Variants in ZDHHC9 observed in about 807,000 individuals in gnomAD.
ZDHHC9 encodes zDHHC palmitoyltransferase 9, also known as palmitoyltransferase ZDHHC9.
Under a neutral mutation model 26.6 loss-of-function variants are expected in ZDHHC9, and 3 were observed. That is an observed-to-expected ratio of 0.11 (90% confidence interval 0.05 to 0.29). The LOEUF (loss-of-function observed/expected upper bound fraction) is 0.29. ZDHHC9 is among the 10% of genes least tolerant of loss of function. The pLI, the probability that ZDHHC9 is intolerant of heterozygous loss-of-function variation, is 1.00. For synonymous variants in ZDHHC9, 111 were observed against 109.4 expected (o/e 1.01, Z -0.09); for missense variants, 146 against 296.4 (o/e 0.49, Z 3.73).
chrX:129,823,927 C>T, intron 4 of ZDHHC9, 90 bp from the exon 5 acceptor site: 1 of 891,521 alleles, frequency 1.1e-6, no homozygotes, highest in Non-Finnish European at 1.6e-6. Flanking sequence ...TGGGGGCATT[C>T]AAAGGTTCCC....
chrX:129,831,440 A>C (rs111409921), intron 3 of ZDHHC9, among the ~76,000 whole-genome samples: 227 of 112,085 alleles, frequency 2.0e-3, no homozygotes, highest in Middle Eastern at 4.6e-3. Context: ...AAACATACAG[A>C]GTGAGTAGAG....
At chrX:129,824,130 C>A (rs1927957785) in intron 4 of ZDHHC9, among the ~76,000 whole-genome samples, 1 of 111,496 alleles carries the variant, frequency 9.0e-6, no homozygotes, top group South Asian at 3.7e-4. Context: ...TCCAATTTCA[C>A]TAATAATCAG....
chrX:129,842,893 G>T (rs1472432906), intron 2 of ZDHHC9, among the ~76,000 whole-genome samples: 4 of 112,484 alleles, frequency 3.6e-5, no homozygotes, highest in African/African-American at 9.7e-5. Flanking sequence ...CTGGTTGGGG[G>T]GTGGGGAATG....
At position 129,817,930 on chromosome X, in the gene ZDHHC9, G is replaced by A. The variant is rs1372437978; in HGVS notation, c.488-3135C>T. Among the ~76,000 whole-genome samples the A allele has an allele frequency of 2.7e-5, 3 of 111,647 alleles. No homozygotes were observed. The East Asian group carries it at 8.4e-4, about 31-fold the overall frequency. ...GTGAATAATGATGCTACGAACACTG[G>A]CGTACAAGTAGGTTTTGAGTCCTTG... is the stretch of plus-strand genomic sequence containing the variant. On this transcript the variant is annotated intron_variant, in intron 5 of 10. Coordinates refer to ENST00000357166, the MANE Select transcript of ZDHHC9 (RefSeq NM_016032.4).
intron 5 of ZDHHC9, chrX:129,822,899 A>G (rs897381132): frequency 1.8e-5 from 2 of 111,631 alleles, no homozygotes; most frequent in Non-Finnish European, 3.8e-5. Flanking sequence ...TGATATAAGC[A>G]ATTTCACATA....
At position 129,813,552 on chromosome X, in the gene ZDHHC9, A is replaced by T; in HGVS notation, c.674+125T>A. The T allele has an allele frequency of 7.0e-6, 5 of 714,074 alleles. No individual in the cohort carries two copies. The Admixed American group carries it at 8.4e-5, about 12-fold the overall frequency. The allele number at this position is 714,074 out of a possible 1,213,427, so 58.8% of individuals were successfully genotyped here. A position where few individuals can be genotyped will look rare whatever the true frequency, so the allele number is the denominator to read the frequency against. ...TACCACTAAGACTATATTTTTTTAA[A>T]TTATTTTAGACCTTGGCACTCTCTG... is the stretch of plus-strand genomic sequence containing the variant. On this transcript the variant is annotated intron_variant, in intron 7 of 10. Coordinates refer to ENST00000357166, the MANE Select transcript of ZDHHC9 (RefSeq NM_016032.4).
At chrX:129,813,536 G>C (rs1057029291) in intron 7 of ZDHHC9, 141 bp downstream of exon 7, 43 of 624,337 alleles carry the variant, frequency 6.9e-5, no homozygotes, top group Admixed American at 2.7e-4. Context: ...CTACCACTAA[G>C]ACTATATTTT....
At chrX:129,825,973 C>T (rs1244733484) in intron 4 of ZDHHC9, among the ~76,000 whole-genome samples, 2 of 111,777 alleles carry the variant, frequency 1.8e-5, no homozygotes, top group Non-Finnish European at 1.9e-5. Context: ...CCAGACAGAC[C>T]GTATGAATTT....
intron 4 of ZDHHC9, among the ~76,000 whole-genome samples, chrX:129,825,657 C>T (rs975123578): frequency 9.0e-6 from 1 of 111,261 alleles, no homozygotes; most frequent in African/African-American, 3.3e-5. Context: ...AAATCTCCTT[C>T]GATCACCACC....
rs146317883 is a variant in ZDHHC9, at chrX:129,806,481, G to A, written c.984C>T (p.Pro328=). Residue 328 remains proline (P), a synonymous_variant, in exon 11 of 11, where the codon CCC becomes CCT. Coordinates refer to ENST00000357166, the MANE Select transcript of ZDHHC9 (RefSeq NM_016032.4). ...SSSLLPQSPA[P]TEHLNSNEMP... is the part of the protein sequence containing the mutation. ...TCTCATTTGAGTTCAGGTGTTCTGT[G>A]GGGGCCTGAGAAGGAAAAGATATGA... 8.3e-7 allele frequency: 1 copy of A among 1,206,864 alleles called. No individual in the cohort carries two copies. Among genetic ancestry groups the A allele is most frequent in the East Asian group, 3.0e-5 (1 of 33,814 alleles).
intron 3 of ZDHHC9, 91 bp from the exon 4 acceptor site, chrX:129,829,232 G>T: frequency 9.9e-7 from 1 of 1,014,295 alleles, no homozygotes; most frequent in Non-Finnish European, 1.4e-6. Context: ...CCCCACAACA[G>T]AATCAGCAGC....
chrX:129,822,406 G>C (rs1005790521), intron 5 of ZDHHC9, among the ~76,000 whole-genome samples: 1 of 92,954 alleles, frequency 1.1e-5, no homozygotes, highest in Admixed American at 1.4e-4. Flanking sequence ...TGAACAATGA[G>C]AACACATGGA....
At chrX:129,837,026 GAGTC>G (rs1246257396) in intron 3 of ZDHHC9, among the ~76,000 whole-genome samples, 1 of 112,060 alleles carries the variant, frequency 8.9e-6, no homozygotes, top group African/African-American at 3.2e-5. Flanking sequence ...AAAAAGCCCT[GAGTC>G]AGTATAGAGA....
chrX:129,822,620 AAATAAT>A (rs1182276266), intron 5 of ZDHHC9, among the ~76,000 whole-genome samples: 1 of 111,239 alleles, frequency 9.0e-6, no homozygotes, highest in Non-Finnish European at 1.9e-5. Context: ...GTAAAATAAA[AAATAAT>A]AATAATAATA....
intron 5 of ZDHHC9, among the ~76,000 whole-genome samples, chrX:129,816,220 G>T (rs2091579241): frequency 9.0e-6 from 1 of 111,489 alleles, no homozygotes. Context: ...CAAAAATACG[G>T]TATTCACAAA....
intron 4 of ZDHHC9, among the ~76,000 whole-genome samples, chrX:129,824,401 T>G (rs1927964502): frequency 9.0e-6 from 1 of 111,483 alleles, no homozygotes. Context: ...GTGATTCTCC[T>G]GTCTCAGCCT....
chrX:129,812,273 C>T (rs1458627931), intron 8 of ZDHHC9, among the ~76,000 whole-genome samples: 1 of 111,840 alleles, frequency 8.9e-6, no homozygotes, highest in African/African-American at 3.3e-5. Flanking sequence ...TTAGTAGAGA[C>T]AGGGTTTTGC....
At chrX:129,814,508 TCAAGA>T in intron 6 of ZDHHC9, 145 bp downstream of exon 6, 1 of 833,114 alleles carries the variant, frequency 1.2e-6, no homozygotes, top group Admixed American at 2.4e-5. Context: ...GCAACCCTGC[TCAAGA>T]GCAGATAACT....
In ZDHHC9 at chrX:129,810,367, AT is replaced by A. The variant is rs758152642; in HGVS notation, c.978+537del. On this transcript the variant is annotated intron_variant, in intron 10 of 10. Transcript: ENST00000357166. Reference sequence around the variant, plus strand: ...TCTCAAAAAAAAAAGCTCAAGTAATATTTTTTTTTAGGAAAGTACTTTATAT... The same window carrying A: ...TCTCAAAAAAAAAAGCTCAAGTAATATTTTTTTTAGGAAAGTACTTTATAT... 1.5e-3 allele frequency among the ~76,000 whole-genome samples: 169 copies of A among 109,267 alleles called. 1 individual carries two copies. The highest frequency in any genetic ancestry group is 5.2e-3 in the African/African-American group (157 of 30,102). The allele number at this position is 109,267 out of a possible 115,157, so 94.9% of individuals were successfully genotyped here.
Sources: allele counts gnomAD v4.1 joint callset (sites outside exome capture counted in the v4.1 genomes callset), GRCh38; gene constraint gnomAD v4.1.1; transcripts MANE v1.5; gene names NCBI Gene and HGNC (gene_info 2026-07-23, HGNC 2026-07-21).